The following IRAK2 variants were observed in gnomAD, a reference collection of about 807,000 sequenced individuals.
IRAK2 encodes the protein interleukin 1 receptor associated kinase 2.
IRAK2 carries 57 observed loss-of-function variants against 72.0 expected under a neutral mutation model. The ratio of observed to expected loss-of-function variants is 0.79; its 90% CI spans 0.64 to 0.99. The LOEUF (loss-of-function observed/expected upper bound fraction) is 0.99, where lower values mean the gene tolerates loss of function less well. Among genes scored for constraint, IRAK2 ranks in the 50% least tolerant of loss-of-function variants. The pLI, the probability that IRAK2 is intolerant of heterozygous loss-of-function variation, is 0.00. For synonymous variants in IRAK2, 293 were observed against 312.7 expected, an observed-to-expected ratio of 0.94 and a Z score of 0.67; for missense variants, 790 against 794.4, an observed-to-expected ratio of 0.99 and a Z score of 0.07.
chr3:10,225,831 T>C (rs1697766526), intron 9 of IRAK2, among the ~76,000 whole-genome samples: 1 of 151,942 alleles, frequency 6.6e-6, no homozygotes, highest in African/African-American at 2.4e-5. Flanking sequence ...CCCAAGCACC[T>C]GGGACTACAG....
At chr3:10,211,060 G>A (rs1225737553) in intron 4 of IRAK2, among the ~76,000 whole-genome samples, 11 of 151,512 alleles carry the variant, frequency 7.3e-5, no homozygotes, top group African/African-American at 2.4e-4. Flanking sequence ...ACAGGGTTTC[G>A]CCATGTTGGC....
intron 8 of IRAK2, 82 bp from the exon 9 acceptor site, chr3:10,222,554 T>C (rs1204142857): frequency 3.5e-6 from 4 of 1,140,918 alleles, no homozygotes; most frequent in Non-Finnish European, 5.2e-6. Context: ...GGTTGCTATA[T>C]TGTCTCCCCA....
chr3:10,233,354 C>T (rs1267028352), intron 10 of IRAK2, among the ~76,000 whole-genome samples: 1 of 151,950 alleles, frequency 6.6e-6, no homozygotes, highest in Non-Finnish European at 1.5e-5. Flanking sequence ...ACCTGGCCTA[C>T]AATACATGTT....
Position 10,200,474 on chromosome 3 carries a change from A to G in IRAK2, c.383A>G (p.Glu128Gly), listed in dbSNP as rs1559445645. ...ASVRKAEDEQ[E>G]EGQPVRMATF... ...GTAAGAAAGGCTGAGGATGAACAGGAAGAGGGGCAGCCTGTGAGGATGGCC... is the reference window on the plus strand; with the variant it reads ...GTAAGAAAGGCTGAGGATGAACAGGGAGAGGGGCAGCCTGTGAGGATGGCC... Residue 128 changes from glutamate (E) to glycine (G), a missense_variant, in exon 3 of 13, where the codon GAA (glutamate) becomes GGA (glycine). Transcript: ENST00000256458. The G allele has an allele frequency of 3.1e-6, 5 of 1,603,322 alleles. No individual in the cohort carries two copies. The highest frequency in any genetic ancestry group is 4.3e-6 in the Non-Finnish European group (5 of 1,171,922).
intron 1 of IRAK2, among the ~76,000 whole-genome samples, chr3:10,168,509 C>A (rs1696740353): frequency 6.6e-6 from 1 of 152,166 alleles, no homozygotes; most frequent in Non-Finnish European, 1.5e-5. Flanking sequence ...CATGTCCGGC[C>A]TTATTGTTGC....
rs1000461644 is a variant in IRAK2, at chr3:10,187,603, AC to A, written c.277+9587del. Among the ~76,000 whole-genome samples, 18 of 151,892 alleles carry A rather than the reference AC, an allele frequency of 1.2e-4. No individual in the cohort carries two copies. In the East Asian group the frequency reaches 3.3e-3, roughly 28 times the overall value. ...GTTCATGAATAACTAAACTCGGGAA[AC>A]CCCGCATACTTTATCACTGCCTCTG... On this transcript the variant is annotated intron_variant, in intron 2 of 12. Coordinates refer to ENST00000256458, the MANE Select transcript of IRAK2 (RefSeq NM_001570.4).
rs117816314 is a variant in IRAK2, at chr3:10,238,202, G to C, written c.1474-546G>C. Among the ~76,000 whole-genome samples the C allele has an allele frequency of 2.2e-3, 334 of 152,270 alleles. 9 individuals carry two copies. The South Asian group carries it at 0.038, about 17-fold the overall frequency. ...TAGTGTCTCATTTAACCAAACAACA[G>C]AGAGGACAGGCATTGCTCTGGTTTC... On this transcript the variant is annotated intron_variant, in intron 11 of 12. Transcript: ENST00000256458.
intron 6 of IRAK2, among the ~76,000 whole-genome samples, chr3:10,214,479 C>A (rs1463972205): frequency 1.4e-5 from 2 of 142,880 alleles, no homozygotes; most frequent in African/African-American, 2.6e-5. Context: ...GATCCTCCTG[C>A]CTTGACCTCC....
At chr3:10,165,963 T>C (rs984800271) in intron 1 of IRAK2, among the ~76,000 whole-genome samples, 6 of 151,954 alleles carry the variant, frequency 3.9e-5, no homozygotes, top group Admixed American at 2.0e-4. Context: ...CTCCTGACCT[T>C]GTGATCCGCC....
intron 3 of IRAK2, among the ~76,000 whole-genome samples, chr3:10,204,721 C>T (rs1444413808): frequency 6.6e-6 from 1 of 152,146 alleles, no homozygotes; most frequent in Non-Finnish European, 1.5e-5. Context: ...TGCACTCCAG[C>T]TTGGGTGACA....
chr3:10,231,827 C>G (rs1052404230), intron 10 of IRAK2, among the ~76,000 whole-genome samples: 1 of 152,008 alleles, frequency 6.6e-6, no homozygotes, highest in Non-Finnish European at 1.5e-5. Context: ...GGTTATGTTT[C>G]TTAAGACTCT....
intron 2 of IRAK2, among the ~76,000 whole-genome samples, chr3:10,180,995 G>A (rs1316121245): frequency 6.6e-6 from 1 of 151,968 alleles, no homozygotes; most frequent in Non-Finnish European, 1.5e-5. Context: ...AGCACAGGAC[G>A]GTGGCTGGGC....
intron 2 of IRAK2, among the ~76,000 whole-genome samples, chr3:10,190,466 T>C (rs1208649508): frequency 6.6e-6 from 1 of 151,722 alleles, no homozygotes; most frequent in Non-Finnish European, 1.5e-5. Context: ...TTAAAGTTAA[T>C]TGCTGAGTGG....
chr3:10,190,371 C>T (rs1445804530), intron 2 of IRAK2, among the ~76,000 whole-genome samples: 1 of 148,298 alleles, frequency 6.7e-6, no homozygotes, highest in Non-Finnish European at 1.5e-5. Flanking sequence ...ACCTCTGCCT[C>T]GTGGACTCAA....
chr3:10,169,864 C>T (rs1696768076), intron 1 of IRAK2, among the ~76,000 whole-genome samples: 2 of 152,180 alleles, frequency 1.3e-5, no homozygotes, highest in South Asian at 4.1e-4. Context: ...AAAATCTTCA[C>T]AATTTATGTT....
At chr3:10,192,877 C>T (rs1382868058) in intron 2 of IRAK2, among the ~76,000 whole-genome samples, 1 of 152,156 alleles carries the variant, frequency 6.6e-6, no homozygotes, top group African/African-American at 2.4e-5. Flanking sequence ...AGAGATCGTG[C>T]CACTGTACTC....
At chr3:10,216,793 C>T in intron 6 of IRAK2, 141 bp from the exon 7 acceptor site, 1 of 653,522 alleles carries the variant, frequency 1.5e-6, no homozygotes, top group Non-Finnish European at 2.8e-6. Context: ...TGGGGCCAGG[C>T]CCTTAGGGGT....
chr3:10,180,396 G>T (rs185041218), intron 2 of IRAK2, among the ~76,000 whole-genome samples: 1 of 152,332 alleles, frequency 6.6e-6, no homozygotes, highest in Admixed American at 6.5e-5. Flanking sequence ...GAAATGGGCA[G>T]GCAGGATACA....
At chr3:10,208,587 C>T (rs62240065) in intron 3 of IRAK2, among the ~76,000 whole-genome samples, 1 of 151,384 alleles carries the variant, frequency 6.6e-6, no homozygotes, top group Non-Finnish European at 1.5e-5. Context: ...CACAGTGAAA[C>T]CCCATCTCTA....
Sources: gnomAD v4.1 joint callset for allele counts (sites outside exome capture counted in the v4.1 genomes callset) on GRCh38, gnomAD v4.1.1 for gene constraint, MANE v1.5 for transcripts, NCBI Gene and HGNC (gene_info 2026-07-23, HGNC 2026-07-21) for gene names.